The following ZNF277 variants were observed in gnomAD, a reference collection of about 807,000 sequenced individuals.
ZNF277 encodes nuclear receptor-interacting factor 4.
A neutral mutation model predicts 60.7 loss-of-function variants in ZNF277; 55 were observed. That is an observed-to-expected ratio of 0.91 (90% confidence interval 0.73 to 1.13). The LOEUF (loss-of-function observed/expected upper bound fraction) is 1.13, where lower values mean the gene tolerates loss of function less well. Among genes scored for constraint, ZNF277 ranks in the 50% most tolerant of loss-of-function variants. The pLI is 0.00. For missense variants in ZNF277, 510 were observed against 523.0 expected (o/e 0.98, Z 0.24); for synonymous variants, 178 against 179.3 (o/e 0.99, Z 0.06).
At chr7:112,296,150 AT>A in intron 3 of ZNF277, 78 bp from the exon 4 acceptor site, 2 of 1,122,638 alleles carry the variant, frequency 1.8e-6, no homozygotes, top group Non-Finnish European at 2.7e-6. Context: ...ACACATCTGT[AT>A]TTTTTAAGAA....
At chr7:112,292,020 A>G (rs1476895987) in intron 2 of ZNF277, among the ~76,000 whole-genome samples, 5 of 152,106 alleles carry the variant, frequency 3.3e-5, no homozygotes, top group African/African-American at 1.2e-4. Flanking sequence ...GGACCAACCT[A>G]TTACCTGCTT....
intron 1 of ZNF277, among the ~76,000 whole-genome samples, chr7:112,242,502 A>G (rs947665760): frequency 2.0e-5 from 3 of 151,792 alleles, no homozygotes; most frequent in South Asian, 2.1e-4. Flanking sequence ...CTATACATCA[A>G]TAACAGTCAA....
rs759044500 is a variant in ZNF277 at position 112,288,951 on chromosome 7, TAAAAAAAAA to T, written c.293+1897_293+1905del. On this transcript the variant is annotated intron_variant, in intron 2 of 11. Transcript: ENST00000361822. ...GCTGCATGTGGCAGTCTGCCTTTCT[TAAAAAAAAA>T]AAAAAAAAAAAAAAAAAAAGAAGAG... 2.3e-3 allele frequency: 162 copies of T among 70,384 alleles called. 2 individuals are homozygous for T. Among genetic ancestry groups the T allele is most frequent in the African/African-American group, 0.01 (152 of 14,906 alleles). 4.4% of individuals were successfully genotyped at this position (70,384 alleles called of 1,614,324 possible).
chr7:112,222,783 T>C (rs1822068122), intron 1 of ZNF277, among the ~76,000 whole-genome samples: 1 of 152,218 alleles, frequency 6.6e-6, no homozygotes, highest in East Asian at 1.9e-4. Flanking sequence ...GTATTGATCC[T>C]GAGCGTGTCT....
intron 1 of ZNF277, among the ~76,000 whole-genome samples, chr7:112,228,967 G>A (rs1371720979): frequency 6.6e-6 from 1 of 152,138 alleles, no homozygotes; most frequent in Non-Finnish European, 1.5e-5. Context: ...GTGTTTAGGA[G>A]ATTATTTTAC....
chr7:112,227,239 C>T (rs1003407156), intron 1 of ZNF277, among the ~76,000 whole-genome samples: 2 of 152,112 alleles, frequency 1.3e-5, no homozygotes, highest in Admixed American at 6.6e-5. Flanking sequence ...TTCAGAAATT[C>T]GAACATATTT....
At chr7:112,330,284 A>C (rs533052894) in intron 7 of ZNF277, 68 bp downstream of exon 7, 19 of 1,518,004 alleles carry the variant, frequency 1.3e-5, no homozygotes, top group Non-Finnish European at 1.7e-5. Context: ...CTGAGGACCA[A>C]CTAATATTTG....
chr7:112,319,661 A>T (rs900760677), intron 5 of ZNF277, among the ~76,000 whole-genome samples: 24 of 147,406 alleles, frequency 1.6e-4, no homozygotes, highest in African/African-American at 5.4e-4. Context: ...ATTATATAAT[A>T]TATATAATAT....
intron 1 of ZNF277, among the ~76,000 whole-genome samples, chr7:112,209,014 T>C (rs7794476): frequency 0.19 from 29,184 of 152,114 alleles, 3,693 homozygotes; most frequent in Non-Finnish European, 0.28. Flanking sequence ...GGGATAAATC[T>C]ATATAAACTG....
chr7:112,328,693 A>G (rs1793157206), intron 6 of ZNF277, among the ~76,000 whole-genome samples: 1 of 152,036 alleles, frequency 6.6e-6, no homozygotes, highest in Admixed American at 6.6e-5. Context: ...CAACATGGAG[A>G]AACCCCATCT....
intron 4 of ZNF277, among the ~76,000 whole-genome samples, chr7:112,313,283 T>TTG (rs1792772201): frequency 1.1e-5 from 1 of 88,050 alleles, no homozygotes; most frequent in Admixed American, 9.6e-5. Context: ...TGTTTTAAAA[T>TTG]TTTTTTTTTT....
chr7:112,308,039 A>T (rs1792640405), intron 4 of ZNF277, among the ~76,000 whole-genome samples: 1 of 152,044 alleles, frequency 6.6e-6, no homozygotes. Flanking sequence ...CCTATCAATT[A>T]TTGTATCAAT....
At chr7:112,285,469 C>T (rs1358542305) in intron 1 of ZNF277, among the ~76,000 whole-genome samples, 1 of 144,354 alleles carries the variant, frequency 6.9e-6, no homozygotes, top group Non-Finnish European at 1.5e-5. Flanking sequence ...ATGTCTAGCC[C>T]TGTCACCCAG....
At chr7:112,274,148 A>G (rs1791742329) in intron 1 of ZNF277, among the ~76,000 whole-genome samples, 2 of 151,830 alleles carry the variant, frequency 1.3e-5, no homozygotes, top group African/African-American at 4.8e-5. Flanking sequence ...TTTATTTTTT[A>G]TTAATTTTCA....
At chr7:112,329,349 T>G (rs1343841688) in intron 6 of ZNF277, among the ~76,000 whole-genome samples, 1 of 152,100 alleles carries the variant, frequency 6.6e-6, no homozygotes, top group Non-Finnish European at 1.5e-5. Context: ...GAGAAAGACA[T>G]TTTGTTAATA....
At chr7:112,264,909 T>C (rs1791514603) in intron 1 of ZNF277, among the ~76,000 whole-genome samples, 1 of 152,334 alleles carries the variant, frequency 6.6e-6, no homozygotes, top group East Asian at 1.9e-4. Context: ...GTCATCTTTT[T>C]GCTGGTGCAG....
chr7:112,329,802 G>A (rs1475746819), intron 6 of ZNF277, among the ~76,000 whole-genome samples: 1 of 152,094 alleles, frequency 6.6e-6, no homozygotes, highest in Non-Finnish European at 1.5e-5. Flanking sequence ...AGGTAATTCA[G>A]TTAGTAAAGA....
chr7:112,293,895 A>T (rs2396525), intron 2 of ZNF277, among the ~76,000 whole-genome samples: 1 of 152,148 alleles, frequency 6.6e-6, no homozygotes, highest in African/African-American at 2.4e-5. Context: ...TAGCAGTAGC[A>T]GTAGGGAACC....
chr7:112,263,960 G>A (rs1217942745), intron 1 of ZNF277, among the ~76,000 whole-genome samples: 1 of 152,024 alleles, frequency 6.6e-6, no homozygotes, highest in Non-Finnish European at 1.5e-5. Context: ...TAAATTCTCT[G>A]TCAGAATCTT....
Sources: allele counts gnomAD v4.1 joint callset (sites outside exome capture counted in the v4.1 genomes callset), GRCh38; gene constraint gnomAD v4.1.1; transcripts MANE v1.5; gene names NCBI Gene and HGNC (gene_info 2026-07-23, HGNC 2026-07-21).